Variants in ZNF236 observed in about 807,000 individuals in gnomAD.
ZNF236 encodes the protein zinc finger protein 236.
ZNF236 carries 50 observed loss-of-function variants against 191.2 expected under a neutral mutation model. That is an observed-to-expected ratio of 0.26 (90% CI 0.21 to 0.33). The LOEUF (loss-of-function observed/expected upper bound fraction) is 0.33, where lower values mean the gene tolerates loss of function less well. Among genes scored for constraint, ZNF236 ranks in the 10% least tolerant of loss-of-function variants. The pLI is 1.00. For missense variants in ZNF236, 1,754 were observed against 2,374.5 expected (o/e 0.74, Z 5.43); for synonymous variants, 907 against 928.8 (o/e 0.98, Z 0.43).
intron 26 of ZNF236, among the ~76,000 whole-genome samples, chr18:76,945,113 GTTCT>G (rs1968225359): frequency 6.6e-6 from 1 of 152,076 alleles, no homozygotes; most frequent in African/African-American, 2.4e-5. Context: ...CTGCCACTCT[GTTCT>G]TTATTTCTGT....
intron 9 of ZNF236, chr18:76,888,757 C>T (rs1429640362): frequency 2.0e-5 from 3 of 152,260 alleles, no homozygotes; most frequent in African/African-American, 7.2e-5. Flanking sequence ...TTTCTGATTA[C>T]AGTAGGTGCT....
intron 9 of ZNF236, 79 bp from the exon 10 acceptor site, chr18:76,894,934 G>A: frequency 1.9e-6 from 3 of 1,557,128 alleles, no homozygotes; most frequent in Non-Finnish European, 2.6e-6. Context: ...GCAGCTTTCT[G>A]TGGGGACCAC....
At chr18:76,868,579 C>T in intron 3 of ZNF236, 106 bp from the exon 4 acceptor site, 2 of 893,876 alleles carry the variant, frequency 2.2e-6, no homozygotes. Context: ...TTAGAGAGAC[C>T]AAGTAGTTTT....
intron 3 of ZNF236, among the ~76,000 whole-genome samples, chr18:76,864,125 T>G (rs962955398): frequency 6.6e-6 from 1 of 152,070 alleles, no homozygotes; most frequent in African/African-American, 2.4e-5. Flanking sequence ...GGTCTCCATC[T>G]GCCAGCCCAC....
At chr18:76,842,582 T>C (rs1479659771) in intron 1 of ZNF236, among the ~76,000 whole-genome samples, 3 of 152,058 alleles carry the variant, frequency 2.0e-5, no homozygotes, top group Non-Finnish European at 4.4e-5. Context: ...AGAAACCCCA[T>C]GTCTACTAAA....
intron 28 of ZNF236, among the ~76,000 whole-genome samples, chr18:76,958,292 C>T (rs1016744176): frequency 1.3e-5 from 2 of 152,222 alleles, no homozygotes; most frequent in South Asian, 2.1e-4. Context: ...ACTAGGTTTA[C>T]GTAACCTCTG....
chr18:76,866,711 C>T (rs1976418803), intron 3 of ZNF236, among the ~76,000 whole-genome samples: 1 of 152,176 alleles, frequency 6.6e-6, no homozygotes, highest in Non-Finnish European at 1.5e-5. Context: ...GATGTTAACT[C>T]TGTATGGAGG....
intron 28 of ZNF236, among the ~76,000 whole-genome samples, chr18:76,959,330 C>T (rs552088914): frequency 3.9e-5 from 6 of 152,248 alleles, no homozygotes; most frequent in Admixed American, 1.3e-4. Context: ...CCCCCACAGC[C>T]AACGGAGAGA....
chr18:76,918,750 T>C (rs1046123423), intron 19 of ZNF236, among the ~76,000 whole-genome samples: 1 of 152,154 alleles, frequency 6.6e-6, no homozygotes, highest in Non-Finnish European at 1.5e-5. Context: ...AGATGGACTC[T>C]TGCTGTGTGG....
intron 1 of ZNF236, among the ~76,000 whole-genome samples, chr18:76,840,556 C>T (rs899090903): frequency 8.7e-5 from 13 of 149,864 alleles, no homozygotes; most frequent in African/African-American, 2.4e-4. Flanking sequence ...AGAGTTTACA[C>T]GAATACAACG....
In ZNF236 at chr18:76,970,964, A is replaced by G. The variant is rs12326156; in HGVS notation, c.*2625A>G. ...CAGCACAGTGCCCTGTGCATGTGTCAGAACTGTTCCTGTTCCCTTTCATTT... is the reference window on the plus strand; with the variant it reads ...CAGCACAGTGCCCTGTGCATGTGTCGGAACTGTTCCTGTTCCCTTTCATTT... On this transcript the variant is annotated 3_prime_UTR_variant, in exon 31 of 31. Transcript: ENST00000320610. Among the ~76,000 whole-genome samples, 10,143 of 152,362 alleles carry G rather than the reference A, an allele frequency of 0.067. 1,125 individuals are homozygous for G. Among genetic ancestry groups the G allele is most frequent in the African/African-American group, 0.23 (9,612 of 41,566 alleles).
chr18:76,831,115 T>C (rs187219864), intron 1 of ZNF236, among the ~76,000 whole-genome samples: 134 of 145,624 alleles, frequency 9.2e-4, no homozygotes, highest in African/African-American at 3.3e-3. Context: ...CATTAGGATA[T>C]ATTTTCTATG....
At chr18:76,879,523 C>T (rs1263042645) in intron 7 of ZNF236, among the ~76,000 whole-genome samples, 1 of 152,166 alleles carries the variant, frequency 6.6e-6, no homozygotes, top group Non-Finnish European at 1.5e-5. Context: ...GGTAGAGTGT[C>T]CTGTCCACAC....
In ZNF236 at chr18:76,880,130, G is replaced by A. The variant is rs376248048; in HGVS notation, c.1002G>A (p.Thr334=). ...AHVLTATLFQ[T]LPLQQTEAQA... is the part of the protein sequence containing the mutation. ...TGTTTCAGGCCACACTTTTTCAGAC[G>A]TTACCTCTTCAACAGACGGAAGCCC... The change falls in exon 8 of 31, where the codon ACG becomes ACA. Residue 334 remains threonine (T), a synonymous_variant. Coordinates refer to ENST00000320610, the MANE Select transcript of ZNF236 (RefSeq NM_001306089.2). This position sits in a 1 kb window ranked among gnomAD's most constrained non-coding sequence, Gnocchi z 5.0. 87 of 1,611,350 alleles carry A rather than the reference G, an allele frequency of 5.4e-5. No homozygotes were observed. The highest frequency in any genetic ancestry group is 1.1e-4 in the African/African-American group (8 of 74,572).
chr18:76,856,675 G>T (rs1450931962), intron 3 of ZNF236, among the ~76,000 whole-genome samples: 3 of 152,100 alleles, frequency 2.0e-5, no homozygotes, highest in Non-Finnish European at 4.4e-5. Flanking sequence ...GATGTGTGGG[G>T]ATTATTGGTC....
At chr18:76,885,372 G>T (rs956360651) in intron 9 of ZNF236, 2 of 152,546 alleles carry the variant, frequency 1.3e-5, no homozygotes, top group Non-Finnish European at 2.9e-5. Context: ...ACAGGAGCAA[G>T]AAATCCCACA....
At chr18:76,912,746 C>T (rs949652168) in intron 17 of ZNF236, among the ~76,000 whole-genome samples, 1 of 152,204 alleles carries the variant, frequency 6.6e-6, no homozygotes, top group Admixed American at 6.5e-5. Context: ...ATTAGAAAGA[C>T]AGCTTTTTAG....
rs988997899 is a variant in ZNF236 at position 76,972,477 on chromosome 18, ACACT to A, written c.*4142_*4145del. Among the ~76,000 whole-genome samples the A allele has an allele frequency of 2.6e-4, 40 of 151,708 alleles. No individual in the cohort carries two copies. Among genetic ancestry groups the A allele is most frequent in the African/African-American group, 9.4e-4 (39 of 41,284 alleles). On this transcript the variant is annotated 3_prime_UTR_variant, in exon 31 of 31. Coordinates refer to ENST00000320610, the MANE Select transcript of ZNF236 (RefSeq NM_001306089.2). Reference sequence around the variant, plus strand: ...CCCTCACACTCACCCACACACCCTCACACTCACCCTCCCTACACAGGCATCGGGG... The same window carrying A: ...CCCTCACACTCACCCACACACCCTCACACCCTCCCTACACAGGCATCGGGG...
chr18:76,936,420 C>G (rs184531578), intron 25 of ZNF236: 1 of 456,586 alleles, frequency 2.2e-6, no homozygotes, highest in Non-Finnish European at 4.4e-6. Context: ...CAGCAAGGTA[C>G]ATGAGTGTCT....
Sources: allele counts gnomAD v4.1 joint callset (sites outside exome capture counted in the v4.1 genomes callset), GRCh38; gene constraint gnomAD v4.1.1; non-coding constraint Gnocchi (gnomAD v3.1); transcripts MANE v1.5; gene names NCBI Gene and HGNC (gene_info 2026-07-23, HGNC 2026-07-21).